Variants in COLEC10 observed in about 807,000 individuals in gnomAD.
COLEC10 encodes collectin-10.
Under a neutral mutation model 28.4 loss-of-function variants are expected in COLEC10, and 22 were observed. The observed-to-expected ratio is 0.78, with a 90% CI of 0.55 to 1.11. The LOEUF (loss-of-function observed/expected upper bound fraction) is 1.11, where lower values mean the gene tolerates loss of function less well. Among genes scored for constraint, COLEC10 ranks in the 50% least tolerant of loss-of-function variants. COLEC10 has a pLI of 0.00. For synonymous variants in COLEC10, 125 were observed against 116.1 expected (o/e 1.08, Z -0.49); for missense variants, 361 against 344.1 (o/e 1.05, Z -0.39).
chr8:119,043,547 T>C (rs1221069663), intron 2 of COLEC10, among the ~76,000 whole-genome samples: 1 of 152,226 alleles, frequency 6.6e-6, no homozygotes, highest in Non-Finnish European at 1.5e-5. Context: ...AACTACCAAG[T>C]TGCCATAATA....
chr8:119,092,226 C>G lies in COLEC10; in HGVS notation c.292+1006C>G, dbSNP rs985396264. Among the ~76,000 whole-genome samples the G allele has an allele frequency of 1.3e-5, 2 of 151,896 alleles. 1 individual carries two copies. The highest frequency in any genetic ancestry group is 4.8e-5 in the African/African-American group (2 of 41,314). On this transcript the variant is annotated intron_variant, in intron 3 of 5. Coordinates refer to ENST00000332843, the MANE Select transcript of COLEC10 (RefSeq NM_006438.5). The stretch of plus-strand genomic sequence containing the variant: ...CTGGGACTACAGATGCCCACCACCA[C>G]GCCCAGCTGATTTTTTGTATTTTTA...
chr8:119,027,582 T>A (rs12676277), intron 2 of COLEC10, among the ~76,000 whole-genome samples: 6,690 of 152,298 alleles, frequency 0.044, 213 homozygotes, highest in East Asian at 0.16. Context: ...CAACAATTTT[T>A]TCTTTTGCCA....
At chr8:118,965,176 T>C in the COLEC10 span, among the ~76,000 whole-genome samples, 1 of 151,688 alleles carries the variant, frequency 6.6e-6, no homozygotes. Flanking sequence ...TCTATTATTA[T>C]AAGATACAGA....
chr8:118,980,860 A>T, the COLEC10 span, among the ~76,000 whole-genome samples: 2 of 151,898 alleles, frequency 1.3e-5, no homozygotes, highest in African/African-American at 4.8e-5. Flanking sequence ...CTATGGCTCA[A>T]ATGTGTGTTT....
chr8:119,083,372 T>G lies in COLEC10; in HGVS notation c.149-6308T>G, dbSNP rs541772319. 3.9e-5 allele frequency among the ~76,000 whole-genome samples: 6 copies of G among 152,306 alleles called. No homozygotes were observed. In the South Asian group the frequency reaches 1.2e-3, roughly 32 times the overall value. On this transcript the variant is annotated intron_variant, in intron 1 of 5. Coordinates refer to ENST00000332843, the MANE Select transcript of COLEC10 (RefSeq NM_006438.5). ...CTAAATAAAATCCTCAAAATGAGAC[T>G]TGTGGGCTCTTATTGGGTCACATGT...
chr8:118,971,983 A>C, the COLEC10 span, among the ~76,000 whole-genome samples: 3 of 151,962 alleles, frequency 2.0e-5, no homozygotes, highest in Non-Finnish European at 2.9e-5. Flanking sequence ...ATTAATTCGT[A>C]CTTTACTGCT....
At chr8:118,980,946 A>G in the COLEC10 span, among the ~76,000 whole-genome samples, 1 of 151,124 alleles carries the variant, frequency 6.6e-6, no homozygotes, top group African/African-American at 2.4e-5. Flanking sequence ...TTACTTCTTC[A>G]TATTGACCCT....
the COLEC10 span, among the ~76,000 whole-genome samples, chr8:118,970,043 C>T: frequency 3.9e-4 from 59 of 152,140 alleles, no homozygotes; most frequent in Admixed American, 1.8e-3. Context: ...CCTCTGATGT[C>T]TGAGCTGCTA....
At chr8:118,999,972 G>A (rs1159833286) in intron 1 of COLEC10, among the ~76,000 whole-genome samples, 1 of 152,162 alleles carries the variant, frequency 6.6e-6, no homozygotes, top group East Asian at 1.9e-4. Flanking sequence ...ATTTTTAAAT[G>A]ATAGGTGATA....
chr8:119,102,234 CCCTCCCT>C (rs1297615883), intron 3 of COLEC10, 107 bp from the exon 4 acceptor site: 13 of 297,094 alleles, frequency 4.4e-5, no homozygotes, highest in South Asian at 1.3e-4. Flanking sequence ...CTCCCTCCCT[CCCTCCCT>C]CCTTCCTTCT....
chr8:119,003,568 G>C (rs1213565880), intron 1 of COLEC10, among the ~76,000 whole-genome samples: 1 of 152,068 alleles, frequency 6.6e-6, no homozygotes, highest in Non-Finnish European at 1.5e-5. Flanking sequence ...AAGTTGGGTA[G>C]TTCAAGCATT....
intron 2 of COLEC10, among the ~76,000 whole-genome samples, chr8:119,030,323 T>A (rs958604910): frequency 6.6e-6 from 1 of 152,238 alleles, no homozygotes; most frequent in East Asian, 1.9e-4. Context: ...ATTTGTAATA[T>A]AACAAATGTT....
At chr8:119,066,866 T>C (rs898218251), upstream of COLEC10, among the ~76,000 whole-genome samples, 5 of 152,202 alleles carry the variant, frequency 3.3e-5, no homozygotes, top group South Asian at 4.1e-4. Context: ...CTCAAAGCCA[T>C]GCACGGTGTT....
At chr8:118,992,486 G>A (rs1458044918), upstream of COLEC10, among the ~76,000 whole-genome samples, 1 of 152,114 alleles carries the variant, frequency 6.6e-6, no homozygotes. Flanking sequence ...TAAGTTTATA[G>A]GAAGAGGAAG....
intron 2 of COLEC10, among the ~76,000 whole-genome samples, chr8:119,033,148 C>A (rs1043048712): frequency 3.3e-5 from 5 of 152,106 alleles, no homozygotes; most frequent in African/African-American, 7.2e-5. Context: ...TGGGGCTGAA[C>A]GTAACAGCAC....
chr8:119,049,926 C>G (rs1164785570), intron 2 of COLEC10, among the ~76,000 whole-genome samples: 1 of 152,166 alleles, frequency 6.6e-6, no homozygotes, highest in Non-Finnish European at 1.5e-5. Context: ...ATTGCTATGG[C>G]TGAACAAGCT....
chr8:119,067,270 G>A lies in COLEC10; in HGVS notation c.-12G>A, dbSNP rs750979153. 6.2e-6 allele frequency: 10 copies of A among 1,612,304 alleles called. No individual in the cohort carries two copies. The Admixed American group carries it at 6.7e-5, about 11-fold the overall frequency. ...GCATTTCTGGGAGACCCTTTTCTGA[G>A]GAACCACAGCAATGAATGGCTTTGC... On this transcript the variant is annotated 5_prime_UTR_variant, in exon 1 of 6. Transcript: ENST00000332843.
In COLEC10 at chr8:119,107,578, C is replaced by T. The variant is rs754086489; in HGVS notation, c.*1387C>T. 2.1e-4 allele frequency among the ~76,000 whole-genome samples: 32 copies of T among 152,206 alleles called. No individual in the cohort carries two copies. Among genetic ancestry groups the T allele is most frequent in the Non-Finnish European group, 4.0e-4 (27 of 68,010 alleles). On this transcript the variant is annotated 3_prime_UTR_variant, in exon 6 of 6. Transcript: ENST00000332843. ...TAAACCATCTGTTCATGATTTCACC[C>T]GTGACTAACTGGTTATGAGATAGGA... is the stretch of plus-strand genomic sequence containing the variant.
chr8:119,050,477 G>T (rs1054752976), intron 2 of COLEC10, among the ~76,000 whole-genome samples: 5 of 152,154 alleles, frequency 3.3e-5, no homozygotes, highest in Non-Finnish European at 7.4e-5. Context: ...ACCAGATAAA[G>T]ACTATGAGAA....
Sources: allele counts gnomAD v4.1 joint callset (sites outside exome capture counted in the v4.1 genomes callset), GRCh38; gene constraint gnomAD v4.1.1; transcripts MANE v1.5; gene names NCBI Gene and HGNC (gene_info 2026-07-23, HGNC 2026-07-21).